The following PARD3 variants were observed in gnomAD, a reference collection of about 807,000 sequenced individuals.
PARD3 encodes par-3 family cell polarity regulator, also known as partitioning defective 3 homolog.
Under a neutral mutation model 155.4 loss-of-function variants are expected in PARD3, and 75 were observed. That is an observed-to-expected ratio of 0.48 (90% CI 0.40 to 0.58). PARD3 has a LOEUF of 0.58. Among genes scored for constraint, PARD3 ranks in the 20% least tolerant of loss-of-function variants. The pLI is 0.00. For missense variants in PARD3, 1,642 were observed against 1,721.7 expected (o/e 0.95, Z 0.82); for synonymous variants, 576 against 610.5 (o/e 0.94, Z 0.83).
At chr10:34,440,369 A>G (rs1417036774) in intron 5 of PARD3, among the ~76,000 whole-genome samples, 1 of 152,234 alleles carries the variant, frequency 6.6e-6, no homozygotes, top group African/African-American at 2.4e-5. Context: ...GGGTGGGAAT[A>G]AAGAGAGTTA....
chr10:34,679,619 T>C (rs563060178), intron 2 of PARD3, among the ~76,000 whole-genome samples: 2 of 152,260 alleles, frequency 1.3e-5, no homozygotes, highest in African/African-American at 2.4e-5. Flanking sequence ...GTCACAAGCA[T>C]TACGAATTAG....
intron 1 of PARD3, among the ~76,000 whole-genome samples, chr10:34,748,646 C>G (rs1036656522): frequency 6.6e-6 from 1 of 151,840 alleles, no homozygotes; most frequent in Non-Finnish European, 1.5e-5. Flanking sequence ...GTAGCAGCAT[C>G]CCCCCCTGCT....
intron 1 of PARD3, among the ~76,000 whole-genome samples, chr10:34,799,390 T>C (rs1385106513): frequency 3.3e-5 from 5 of 152,054 alleles, no homozygotes; most frequent in Non-Finnish European, 2.9e-5. Context: ...CCCGAGATTG[T>C]ACATTTCCAG....
At position 34,382,613 on chromosome 10, in the gene PARD3, T is replaced by C. The variant is rs374896503; in HGVS notation, c.1326A>G (p.Val442=). 1 of 1,614,082 alleles carries C rather than the reference T, an allele frequency of 6.2e-7. No homozygotes were observed. The highest frequency in any genetic ancestry group is 8.5e-7 in the Non-Finnish European group (1 of 1,180,012). Residue 442 remains valine (V), a synonymous_variant, in exon 9 of 25, where the codon GTA becomes GTG. Coordinates refer to ENST00000374788, the MANE Select transcript of PARD3 (RefSeq NM_001184785.2). ...AACCACTGCTTACAGTCGTACTAAA[T>C]ACATTCTGAGGTGCCGAGGCTGGAG... The part of the protein sequence containing the change: ...PSAPASAPQN[V]FSTTVSSGYN...
At position 34,375,028 on chromosome 10, in the gene PARD3, T is replaced by C. The variant is rs565181787; in HGVS notation, c.1540-26A>G. 332 of 1,591,522 alleles carry C rather than the reference T, an allele frequency of 2.1e-4. 5 individuals carry two copies. The South Asian group carries it at 3.4e-3, about 16-fold the overall frequency. On this transcript the variant is annotated intron_variant, in intron 10 of 24. Transcript: ENST00000374788. ...CTAAAACAAAACAAAAGTTTTCAGCTGTAATCCTGTGGAAACAACAGGAAA... is the reference window on the plus strand; with the variant it reads ...CTAAAACAAAACAAAAGTTTTCAGCCGTAATCCTGTGGAAACAACAGGAAA...
At position 34,739,660 on chromosome 10, in the gene PARD3, G is replaced by A. The variant is rs141584452; in HGVS notation, c.121-43241C>T. On this transcript the variant is annotated intron_variant, in intron 1 of 24. Coordinates refer to ENST00000374788, the MANE Select transcript of PARD3 (RefSeq NM_001184785.2). Reference sequence around the variant, plus strand: ...CTATGAACCACCTTGTGCAACCTCAGTGGTGCTTTGGAATGTTCTAGAATG... The same window carrying A: ...CTATGAACCACCTTGTGCAACCTCAATGGTGCTTTGGAATGTTCTAGAATG... Among the ~76,000 whole-genome samples the A allele has an allele frequency of 9.2e-4, 140 of 152,268 alleles. 1 individual carries two copies. The highest frequency in any genetic ancestry group is 3.2e-3 in the African/African-American group (135 of 41,558).
chr10:34,407,680 GAA>G, intron 5 of PARD3, among the ~76,000 whole-genome samples: 1 of 152,072 alleles, frequency 6.6e-6, no homozygotes, highest in South Asian at 2.1e-4. Flanking sequence ...GCAGAAATTG[GAA>G]AAGAGCCAGG....
At chr10:34,372,150 A>G (rs1427422273) in intron 12 of PARD3, among the ~76,000 whole-genome samples, 2 of 151,744 alleles carry the variant, frequency 1.3e-5, no homozygotes, top group Non-Finnish European at 2.9e-5. Context: ...AAGTTTTTTA[A>G]CTTTTCTTTC....
At chr10:34,302,115 G>C (rs1339110987) in intron 20 of PARD3, among the ~76,000 whole-genome samples, 2 of 152,056 alleles carry the variant, frequency 1.3e-5, no homozygotes, top group Non-Finnish European at 2.9e-5. Flanking sequence ...AGTCATTTAT[G>C]AGAGGCCACC....
At chr10:34,767,809 G>A (rs1838298282) in intron 1 of PARD3, among the ~76,000 whole-genome samples, 1 of 151,498 alleles carries the variant, frequency 6.6e-6, no homozygotes, top group South Asian at 2.1e-4. Context: ...CAAAAATATT[G>A]TCTGGACATG....
At chr10:34,345,712 C>T in intron 15 of PARD3, 1 of 985,368 alleles carries the variant, frequency 1.0e-6, no homozygotes, top group Non-Finnish European at 1.2e-6. Flanking sequence ...TGTGATTTGT[C>T]AAGTTTCCTA....
chr10:34,136,302 T>A (rs1947892799), intron 22 of PARD3, among the ~76,000 whole-genome samples: 1 of 152,350 alleles, frequency 6.6e-6, no homozygotes, highest in East Asian at 1.9e-4. Context: ...GTATCCTTCC[T>A]TGCAGGCTTG....
Position 34,459,422 on chromosome 10 carries a change from C to T in PARD3, c.583-8974G>A, listed in dbSNP as rs1010665137. On this transcript the variant is annotated intron_variant, in intron 4 of 24. Coordinates refer to ENST00000374788, the MANE Select transcript of PARD3 (RefSeq NM_001184785.2). ...TCCTGACCTCGTGATCCGCCCGCCTCGGCCTCCCAAAGTGCTGGGATTACA... is the reference window on the plus strand; with the variant it reads ...TCCTGACCTCGTGATCCGCCCGCCTTGGCCTCCCAAAGTGCTGGGATTACA... Among the ~76,000 whole-genome samples the T allele has an allele frequency of 2.0e-4, 31 of 152,244 alleles. 1 individual carries two copies. Among genetic ancestry groups the T allele is most frequent in the African/African-American group, 7.0e-4 (29 of 41,544 alleles).
chr10:34,651,430 G>A (rs1338587057), intron 2 of PARD3, among the ~76,000 whole-genome samples: 1 of 152,216 alleles, frequency 6.6e-6, no homozygotes, highest in Non-Finnish European at 1.5e-5. Context: ...ATTTACACCA[G>A]GAATTGGTGA....
chr10:34,480,190 G>A (rs926840707), intron 3 of PARD3, among the ~76,000 whole-genome samples: 3 of 152,194 alleles, frequency 2.0e-5, no homozygotes, highest in African/African-American at 4.8e-5. Flanking sequence ...CAGCTCAGAC[G>A]TACTAGTAAA....
intron 4 of PARD3, among the ~76,000 whole-genome samples, chr10:34,464,987 A>ACTT (rs2077913871): frequency 6.6e-6 from 1 of 152,176 alleles, no homozygotes; most frequent in African/African-American, 2.4e-5. Flanking sequence ...TCTTACATAA[A>ACTT]ATGGTGGACT....
chr10:34,635,793 C>A (rs1304951187), intron 2 of PARD3, among the ~76,000 whole-genome samples: 1 of 152,152 alleles, frequency 6.6e-6, no homozygotes, highest in Non-Finnish European at 1.5e-5. Flanking sequence ...TACAGTAGAA[C>A]TTTCTCCTCA....
chr10:34,200,085 T>C (rs767974967), intron 22 of PARD3, among the ~76,000 whole-genome samples: 1 of 152,198 alleles, frequency 6.6e-6, no homozygotes, highest in Admixed American at 6.5e-5. Flanking sequence ...ATCATGTAGA[T>C]CTTGGTTACA....
At chr10:34,775,576 A>G (rs953608855) in intron 1 of PARD3, among the ~76,000 whole-genome samples, 3 of 152,198 alleles carry the variant, frequency 2.0e-5, no homozygotes, top group Non-Finnish European at 4.4e-5. Context: ...AGCAGAATGC[A>G]AGGCTGCCAG....
Sources: gnomAD v4.1 joint callset for allele counts (sites outside exome capture counted in the v4.1 genomes callset) on GRCh38, gnomAD v4.1.1 for gene constraint, MANE v1.5 for transcripts, NCBI Gene and HGNC (gene_info 2026-07-23, HGNC 2026-07-21) for gene names.